Variants in MAN1A1 observed in about 807,000 individuals in gnomAD.
MAN1A1 encodes the protein mannosyl-oligosaccharide 1,2-alpha-mannosidase IA.
In MAN1A1, 29 loss-of-function variants were observed where a neutral mutation model predicts 70.8. The ratio of observed to expected loss-of-function variants is 0.41; its 90% CI spans 0.31 to 0.56. The LOEUF (loss-of-function observed/expected upper bound fraction) is 0.56, where lower values mean the gene tolerates loss of function less well. MAN1A1 is among the 20% of genes least tolerant of loss of function. The pLI, the probability that MAN1A1 is intolerant of heterozygous loss-of-function variation, is 0.29. For missense variants in MAN1A1, 747 were observed against 841.3 expected (o/e 0.89, Z 1.39); for synonymous variants, 349 against 330.1 (o/e 1.06, Z -0.62).
chr6:119,329,363 C>T (rs1456722367), intron 2 of MAN1A1, among the ~76,000 whole-genome samples: 2 of 152,148 alleles, frequency 1.3e-5, no homozygotes, highest in Admixed American at 6.5e-5. Flanking sequence ...TGAGGAATAG[C>T]AGTCTTGGTT....
intron 2 of MAN1A1, among the ~76,000 whole-genome samples, chr6:119,333,716 A>C (rs1339419396): frequency 6.6e-6 from 1 of 152,244 alleles, no homozygotes; most frequent in Non-Finnish European, 1.5e-5. Context: ...TCAAGAATAC[A>C]TAAATTCAGA....
chr6:119,350,418 T>G (rs1421431203), upstream of MAN1A1: 3 of 395,954 alleles, frequency 7.6e-6, no homozygotes, highest in Non-Finnish European at 1.0e-5. Context: ...CACAGTTCTG[T>G]GCTTGCTTAG....
intron 5 of MAN1A1, among the ~76,000 whole-genome samples, chr6:119,268,430 A>T (rs1331913395): frequency 6.6e-6 from 1 of 151,506 alleles, no homozygotes; most frequent in Non-Finnish European, 1.5e-5. Flanking sequence ...TACTGTCCCC[A>T]AGTGTTTTTT....
At chr6:119,329,377 T>G (rs195065) in intron 2 of MAN1A1, among the ~76,000 whole-genome samples, 28,609 of 152,118 alleles carry the variant, frequency 0.19, 3,128 homozygotes, top group Admixed American at 0.3. Flanking sequence ...CTTGGTTCCC[T>G]GTACCTTCAC....
At chr6:119,293,675 T>C (rs1295478482) in intron 4 of MAN1A1, among the ~76,000 whole-genome samples, 1 of 152,122 alleles carries the variant, frequency 6.6e-6, no homozygotes, top group Non-Finnish European at 1.5e-5. Flanking sequence ...ATTTGAGGTC[T>C]CTTTCAGTAT....
chr6:119,213,190 G>T (rs533653437), intron 6 of MAN1A1, among the ~76,000 whole-genome samples: 38 of 151,920 alleles, frequency 2.5e-4, no homozygotes, highest in Admixed American at 5.2e-4. Flanking sequence ...CTTACTTTTG[G>T]TTTTTTTTAT....
chr6:119,319,198 C>T (rs6913626), intron 2 of MAN1A1, among the ~76,000 whole-genome samples: 56,434 of 151,652 alleles, frequency 0.37, 11,093 homozygotes, highest in Non-Finnish European at 0.41. Flanking sequence ...ATGCCTGTAT[C>T]ATTACCACCC....
chr6:119,220,004 C>G (rs1485498101), intron 6 of MAN1A1, among the ~76,000 whole-genome samples: 1 of 151,520 alleles, frequency 6.6e-6, no homozygotes, highest in Non-Finnish European at 1.5e-5. Flanking sequence ...CTTACAGAAT[C>G]ATCATTTAAA....
chr6:119,223,568 TA>T (rs1242534633), intron 6 of MAN1A1, among the ~76,000 whole-genome samples: 87 of 152,266 alleles, frequency 5.7e-4, no homozygotes, highest in Admixed American at 1.1e-3. Context: ...TTATCCCCAA[TA>T]AAACTTATAT....
intron 6 of MAN1A1, among the ~76,000 whole-genome samples, chr6:119,233,922 T>G (rs1189413327): frequency 6.6e-6 from 1 of 152,222 alleles, no homozygotes. Context: ...ATTATCACAA[T>G]ACTTTGTAAA....
At chr6:119,320,160 G>C (rs907046176) in intron 2 of MAN1A1, among the ~76,000 whole-genome samples, 1 of 152,134 alleles carries the variant, frequency 6.6e-6, no homozygotes, top group African/African-American at 2.4e-5. Flanking sequence ...TTTTAGTACA[G>C]ACGAGGTTTC....
chr6:119,258,582 G>A (rs918544072), intron 5 of MAN1A1, among the ~76,000 whole-genome samples: 3 of 152,080 alleles, frequency 2.0e-5, no homozygotes, highest in African/African-American at 7.2e-5. Flanking sequence ...GGTATCCTCA[G>A]GGGGTCCTGA....
chr6:119,291,429 T>C (rs1776542574), intron 4 of MAN1A1, among the ~76,000 whole-genome samples: 3 of 152,056 alleles, frequency 2.0e-5, no homozygotes, highest in African/African-American at 7.2e-5. Flanking sequence ...TAAACAAAAT[T>C]ACAAAAATAT....
At chr6:119,281,373 C>CTGT in intron 5 of MAN1A1, among the ~76,000 whole-genome samples, 1 of 152,328 alleles carries the variant, frequency 6.6e-6, no homozygotes, top group African/African-American at 2.4e-5. Flanking sequence ...GTCATGAATG[C>CTGT]TGTTCATCAC....
intron 5 of MAN1A1, among the ~76,000 whole-genome samples, chr6:119,267,745 T>C (rs954787058): frequency 6.6e-6 from 1 of 152,240 alleles, no homozygotes; most frequent in Non-Finnish European, 1.5e-5. Flanking sequence ...TATATGGTTT[T>C]AGCAACCAAA....
At chr6:119,253,062 G>C (rs1363419295) in intron 5 of MAN1A1, among the ~76,000 whole-genome samples, 1 of 152,108 alleles carries the variant, frequency 6.6e-6, no homozygotes, top group Non-Finnish European at 1.5e-5. Flanking sequence ...TCGTTTTGAA[G>C]TGTCTTCTTC....
intron 4 of MAN1A1, 61 bp from the exon 5 acceptor site, chr6:119,290,824 A>T (rs9489671): frequency 0.38 from 406,926 of 1,069,864 alleles, 81,503 homozygotes; most frequent in Non-Finnish European, 0.42. Flanking sequence ...CATTATTGTG[A>T]TAAATTATAC....
intron 5 of MAN1A1, among the ~76,000 whole-genome samples, chr6:119,278,954 G>A (rs1776155340): frequency 6.6e-6 from 1 of 152,050 alleles, no homozygotes; most frequent in Admixed American, 6.5e-5. Flanking sequence ...GCAGAACCGT[G>A]AGCCAAATAA....
At chr6:119,307,174 C>A (rs1306025965) in intron 2 of MAN1A1, among the ~76,000 whole-genome samples, 182 bp from the exon 3 acceptor site, 2 of 152,182 alleles carry the variant, frequency 1.3e-5, no homozygotes, top group Non-Finnish European at 2.9e-5. Flanking sequence ...TGCTGGTACA[C>A]ATACACACTA....
Sources: allele counts gnomAD v4.1 joint callset (sites outside exome capture counted in the v4.1 genomes callset), GRCh38; gene constraint gnomAD v4.1.1; transcripts MANE v1.5; gene names NCBI Gene and HGNC (gene_info 2026-07-23, HGNC 2026-07-21).